NWD2: variants seen among roughly 807,000 people sequenced by gnomAD.
NWD2 encodes NACHT and WD repeat domain-containing protein 2.
A neutral mutation model predicts 132.7 loss-of-function variants in NWD2; 37 were observed. The observed-to-expected ratio is 0.28, with a 90% CI of 0.21 to 0.37. NWD2 has a LOEUF of 0.37. NWD2 is among the 10% of genes least tolerant of loss of function. NWD2 has a pLI of 1.00. For synonymous variants in NWD2, 705 were observed against 803.0 expected (o/e 0.88, Z 2.06); for missense variants, 1,592 against 2,122.4 (o/e 0.75, Z 4.91).
chr4:37,300,367 T>C (rs1012018036), intron 1 of NWD2, among the ~76,000 whole-genome samples: 2 of 152,178 alleles, frequency 1.3e-5, no homozygotes, highest in Non-Finnish European at 2.9e-5. Context: ...GTAAGTGAAC[T>C]CATGCTAGTG....
At chr4:37,426,752 A>G (rs1481743159) in intron 3 of NWD2, among the ~76,000 whole-genome samples, 1 of 152,138 alleles carries the variant, frequency 6.6e-6, no homozygotes, top group Non-Finnish European at 1.5e-5. Context: ...CCATCTGAGA[A>G]TGGACCTAGC....
At chr4:37,306,978 T>C (rs1776537) in intron 1 of NWD2, among the ~76,000 whole-genome samples, 10,883 of 150,720 alleles carry the variant, frequency 0.072, 1,197 homozygotes, top group African/African-American at 0.24. Flanking sequence ...GAGCCGAGAT[T>C]GCGCCACTGC....
At chr4:37,411,116 C>T (rs76199455) in intron 3 of NWD2, among the ~76,000 whole-genome samples, 10,312 of 152,102 alleles carry the variant, frequency 0.068, 653 homozygotes, top group African/African-American at 0.16. Context: ...AATTCAAAAG[C>T]TAGCAGAAGA....
chr4:37,438,334 AC>A (rs943688547), intron 5 of NWD2, among the ~76,000 whole-genome samples: 1 of 152,154 alleles, frequency 6.6e-6, no homozygotes, highest in African/African-American at 2.4e-5. Context: ...GACTCAATAT[AC>A]CTCAAACAAA....
intron 3 of NWD2, among the ~76,000 whole-genome samples, chr4:37,420,236 C>G (rs1711765917): frequency 6.6e-6 from 1 of 152,156 alleles, no homozygotes; most frequent in Non-Finnish European, 1.5e-5. Flanking sequence ...GAGTATTATT[C>G]TCTTCTCTGT....
chr4:37,407,614 C>T (rs114245973), intron 3 of NWD2, among the ~76,000 whole-genome samples: 2,013 of 152,306 alleles, frequency 0.013, 42 homozygotes, highest in African/African-American at 0.046. Context: ...AGCCTACAAA[C>T]TTAAGACAAT....
chr4:37,373,531 C>T (rs1487635638), intron 3 of NWD2, among the ~76,000 whole-genome samples: 1 of 152,170 alleles, frequency 6.6e-6, no homozygotes, highest in African/African-American at 2.4e-5. Context: ...ACTGATAACC[C>T]ATTACTGGTT....
intron 2 of NWD2, among the ~76,000 whole-genome samples, chr4:37,334,914 A>T (rs17421420): frequency 0.14 from 21,183 of 151,856 alleles, 1,619 homozygotes; most frequent in Non-Finnish European, 0.16. Context: ...TACTTCTCCA[A>T]TCTGTTCCTT....
At chr4:37,322,536 C>A (rs1719089012) in intron 1 of NWD2, among the ~76,000 whole-genome samples, 1 of 152,084 alleles carries the variant, frequency 6.6e-6, no homozygotes, top group Admixed American at 6.6e-5. Flanking sequence ...AAGAGATGAG[C>A]TTGGGGAGAG....
chr4:37,266,863 C>G (rs1387531609), intron 1 of NWD2, among the ~76,000 whole-genome samples: 3 of 151,932 alleles, frequency 2.0e-5, no homozygotes, highest in Non-Finnish European at 4.4e-5. Context: ...AGTAAAAGTA[C>G]AGTAAAAGCG....
At chr4:37,416,012 CTGTTT>C (rs746107118) in intron 3 of NWD2, among the ~76,000 whole-genome samples, 20 of 152,208 alleles carry the variant, frequency 1.3e-4, no homozygotes, top group Non-Finnish European at 2.8e-4. Context: ...GGCAACTCAG[CTGTTT>C]TGTAAGGCAT....
chr4:37,446,176 C>T lies in NWD2; in HGVS notation c.4188C>T (p.Asn1396=), dbSNP rs187072975. The change falls in exon 7 of 7, where the codon AAC becomes AAT. Residue 1396 remains asparagine, a synonymous_variant. Coordinates refer to ENST00000309447, the MANE Select transcript of NWD2 (RefSeq NM_001144990.2). This position sits in a 1 kb window ranked among gnomAD's most constrained non-coding sequence, Gnocchi z 6.7. ...TSSGENLFRI[N]GQRISQLLIT... is the part of the protein sequence containing the mutation. Reference sequence around the variant, plus strand: ...GTGGTGAAAACCTTTTTCGAATTAACGGGCAGAGAATATCTCAGCTGCTGA... The same window carrying T: ...GTGGTGAAAACCTTTTTCGAATTAATGGGCAGAGAATATCTCAGCTGCTGA... 2,624 of 1,551,644 alleles carry T rather than the reference C, an allele frequency of 1.7e-3. 5 individuals carry two copies. The highest frequency in any genetic ancestry group is 1.9e-3 in the Non-Finnish European group (2,141 of 1,146,990).
At chr4:37,391,183 C>T (rs1361333026) in intron 3 of NWD2, among the ~76,000 whole-genome samples, 1 of 152,168 alleles carries the variant, frequency 6.6e-6, no homozygotes, top group African/African-American at 2.4e-5. Context: ...ACTAGGAAAT[C>T]ACTTGCGGCT....
rs180903974 is a variant in NWD2 at position 37,409,441 on chromosome 4, G to A, written c.358-21131G>A. On this transcript the variant is annotated intron_variant, in intron 3 of 6. Coordinates refer to ENST00000309447, the MANE Select transcript of NWD2 (RefSeq NM_001144990.2). ...GAAGATCAACTTAATGAAATAAAGC[G>A]TGAAGACAAGATTATGGAAAAAAAA... 3.4e-4 allele frequency among the ~76,000 whole-genome samples: 52 copies of A among 151,888 alleles called. No homozygotes were observed. The East Asian group carries it at 3.7e-3, about 11-fold the overall frequency.
intron 3 of NWD2, among the ~76,000 whole-genome samples, chr4:37,394,056 C>T (rs1455941850): frequency 6.6e-6 from 1 of 152,202 alleles, no homozygotes; most frequent in African/African-American, 2.4e-5. Context: ...CTTTGTGGCT[C>T]TCATCTGCCT....
chr4:37,375,856 C>T lies in NWD2; in HGVS notation c.357+19374C>T, dbSNP rs148255530. Reference sequence around the variant, plus strand: ...TGCTGGGATTACAGGCGTGAGCCACCGCGCCTGGCCTCTGGAATTCACTTT... The same window carrying T: ...TGCTGGGATTACAGGCGTGAGCCACTGCGCCTGGCCTCTGGAATTCACTTT... On this transcript the variant is annotated intron_variant, in intron 3 of 6. Coordinates refer to ENST00000309447, the MANE Select transcript of NWD2 (RefSeq NM_001144990.2). Among the ~76,000 whole-genome samples the T allele has an allele frequency of 6.2e-3, 950 of 152,260 alleles. 5 individuals carry two copies. Among genetic ancestry groups the T allele is most frequent in the African/African-American group, 0.022 (916 of 41,548 alleles).
intron 1 of NWD2, among the ~76,000 whole-genome samples, chr4:37,266,264 A>G (rs1717749426): frequency 6.6e-6 from 1 of 151,976 alleles, no homozygotes; most frequent in Admixed American, 6.6e-5. Context: ...GCCACTGTTA[A>G]CTCAAGTAAT....
rs930550532 is a variant in NWD2 at position 37,304,211 on chromosome 4, A to C, written c.152-21725A>C. 2.0e-4 allele frequency among the ~76,000 whole-genome samples: 31 copies of C among 152,196 alleles called. 1 individual carries two copies. The highest frequency in any genetic ancestry group is 2.0e-3 in the Admixed American group (30 of 15,294). ...GGAAGAAGAGAGAGAGAAGTGCTAC[A>C]CACTTTCAAACAACCAAATCTCATG... On this transcript the variant is annotated intron_variant, in intron 1 of 6. Coordinates refer to ENST00000309447, the MANE Select transcript of NWD2 (RefSeq NM_001144990.2).
At chr4:37,413,946 G>T (rs1254576547) in intron 3 of NWD2, among the ~76,000 whole-genome samples, 1 of 151,896 alleles carries the variant, frequency 6.6e-6, no homozygotes, top group Admixed American at 6.6e-5. Flanking sequence ...ACAGAGAAGG[G>T]AACATCACAC....
Sources: gnomAD v4.1 joint callset for allele counts (sites outside exome capture counted in the v4.1 genomes callset) on GRCh38, gnomAD v4.1.1 for gene constraint, Gnocchi (gnomAD v3.1) non-coding constraint, MANE v1.5 for transcripts, NCBI Gene and HGNC (gene_info 2026-07-23, HGNC 2026-07-21) for gene names.